The following ERBB2 variants were observed in gnomAD, a reference collection of about 807,000 sequenced individuals.
The protein encoded by ERBB2 is receptor tyrosine-protein kinase erbB-2.
A neutral mutation model predicts 149.0 loss-of-function variants in ERBB2; 61 were observed. That is an observed-to-expected ratio of 0.41 (90% CI 0.33 to 0.51). ERBB2 has a LOEUF of 0.51. Among genes scored for constraint, ERBB2 ranks in the 20% least tolerant of loss-of-function variants. ERBB2 has a pLI of 0.25. For missense variants in ERBB2, 1,205 were observed against 1,655.1 expected (o/e 0.73, Z 4.72); for synonymous variants, 633 against 678.8 (o/e 0.93, Z 1.05).
intron 2 of ERBB2, chr17:39,707,356 G>GCC: frequency 2.3e-6 from 1 of 444,298 alleles, no homozygotes; most frequent in Non-Finnish European, 4.0e-6. Context: ...GTCATGTCTG[G>GCC]ATGGGATGCG....
At chr17:39,716,220 T>C (rs2145669354) in intron 12 of ERBB2, 81 bp from the exon 13 acceptor site, 1 of 1,455,284 alleles carries the variant, frequency 6.9e-7, no homozygotes, top group Non-Finnish European at 9.2e-7. Flanking sequence ...CCCACAGCCA[T>C]GCCCACAGCC....
In ERBB2 at chr17:39,727,914, T is replaced by A; in HGVS notation, c.3638T>A (p.Phe1213Tyr). 6.2e-7 allele frequency: 1 copy of A among 1,614,120 alleles called. No individual in the cohort carries two copies. The highest frequency in any genetic ancestry group is 8.5e-7 in the Non-Finnish European group (1 of 1,180,008). Residue 1213 changes from phenylalanine to tyrosine, a missense_variant, in exon 27 of 27, where the codon TTC becomes TAC. Physicochemically the swap from Phe to Tyr is conservative, Grantham distance 22 (BLOSUM62 3). Coordinates refer to ENST00000269571, the MANE Select transcript of ERBB2 (RefSeq NM_004448.4). The surrounding 1 kb of genome is among the most constrained non-coding windows in gnomAD (Gnocchi z 4.3). ...CCTCAGCCCCACCCTCCTCCTGCCT[T>A]CAGCCCAGCCTTCGACAACCTCTAT... is the stretch of plus-strand genomic sequence containing the variant. ...AAPQPHPPPA[F>Y]SPAFDNLYYW...
Position 39,715,922 on chromosome 17 carries a change from G to T in ERBB2, c.1496G>T (p.Arg499Leu), listed in dbSNP as rs182572604. 5 of 1,610,264 alleles carry T rather than the reference G, an allele frequency of 3.1e-6. No individual in the cohort carries two copies. Among genetic ancestry groups the T allele is most frequent in the Admixed American group, 3.3e-5 (2 of 59,994 alleles). ...PHQALLHTAN[R>L]PEDECVGEGL... ...CAAGCTCTGCTCCACACTGCCAACC[G>T]GCCAGAGGACGAGTGTGGTAAGACA... The change falls in exon 12 of 27, where the codon CGG becomes CTG. Residue 499 changes from arginine to leucine, a missense_variant. Coordinates refer to ENST00000269571, the MANE Select transcript of ERBB2 (RefSeq NM_004448.4).
intron 3 of ERBB2, 157 bp from the exon 4 acceptor site, chr17:39,709,161 T>C: frequency 1.3e-6 from 1 of 787,132 alleles, no homozygotes; most frequent in South Asian, 1.7e-5. Flanking sequence ...GTGGTGGTGG[T>C]GGGACTCAAA....
intron 9 of ERBB2, 46 bp downstream of exon 9, chr17:39,712,494 G>A (rs1217405390): frequency 1.9e-6 from 3 of 1,603,768 alleles, no homozygotes; most frequent in South Asian, 1.1e-5. Flanking sequence ...GGCAGACAGA[G>A]TCCTGAGGAT....
intron 1 of ERBB2, among the ~76,000 whole-genome samples, chr17:39,701,632 C>T (rs970173153): frequency 5.3e-5 from 8 of 152,108 alleles, no homozygotes; most frequent in Admixed American, 2.6e-4. Flanking sequence ...TGCAGGTCTA[C>T]GCCAGGGTGT....
At chr17:39,695,567 G>A (rs1311095119), upstream of ERBB2, among the ~76,000 whole-genome samples, 1 of 152,134 alleles carries the variant, frequency 6.6e-6, no homozygotes, top group Non-Finnish European at 1.5e-5. Flanking sequence ...TCAAGGCACT[G>A]TGGGGTAGGC....
rs545634588 is a variant in ERBB2 at position 39,728,100 on chromosome 17, C to G, written c.*56C>G. ...TGTGTCCTCAGGGAGCAGGGAAGGC[C>G]TGACTTCTGCTGGCATCAAGAGGTG... On this transcript the variant is annotated 3_prime_UTR_variant, in exon 27 of 27. Coordinates refer to ENST00000269571, the MANE Select transcript of ERBB2 (RefSeq NM_004448.4). The G allele has an allele frequency of 7.1e-6, 9 of 1,273,796 alleles. No individual in the cohort carries two copies. In the African/African-American group the frequency reaches 1.0e-4, roughly 15 times the overall value. 78.9% of individuals were successfully genotyped at this position (1,273,796 alleles called of 1,614,324 possible). A position where few individuals can be genotyped will look rare whatever the true frequency, so the allele number is the denominator to read the frequency against.
At chr17:39,698,879 C>A (rs1045474812), upstream of ERBB2, among the ~76,000 whole-genome samples, 1 of 151,444 alleles carries the variant, frequency 6.6e-6, no homozygotes, top group African/African-American at 2.4e-5. Context: ...AATAAGGAGG[C>A]CCAGTTAAAT....
rs1441314794 is a variant in ERBB2 at position 39,700,089 on chromosome 17, A to AGGGGAGCCCCCC, written c.-146_-135dup. On this transcript the variant is annotated 5_prime_UTR_variant, in exon 1 of 27. Transcript: ENST00000269571. ...CCCCTCCATTGGGACCGGAGAAACC[A>AGGGGAGCCCCCC]GGGGAGCCCCCCGGGCAGCCGCGCG... 7.8e-7 allele frequency: 1 copy of AGGGGAGCCCCCC among 1,276,666 alleles called. No individual in the cohort carries two copies. Among genetic ancestry groups the AGGGGAGCCCCCC allele is most frequent in the African/African-American group, 1.6e-5 (1 of 64,430 alleles). The allele number at this position is 1,276,666 out of a possible 1,614,324, so 79.1% of individuals were successfully genotyped here.
At position 39,724,123 on chromosome 17, in the gene ERBB2, A is replaced by G. The variant is rs4252647; in HGVS notation, c.2307+113A>G. ...GGGGAGATATGACTCCCGCAAACCT[A>G]GACTATTTTTTTGGAGACGGAGTCT... On this transcript the variant is annotated intron_variant, in intron 19 of 26. Transcript: ENST00000269571. 329 of 715,750 alleles carry G rather than the reference A, an allele frequency of 4.6e-4. 1 individual carries two copies. The Admixed American group carries it at 5.5e-3, about 12-fold the overall frequency. 44.3% of individuals were successfully genotyped at this position (715,750 alleles called of 1,614,324 possible). A position where few individuals can be genotyped will look rare whatever the true frequency, so the allele number is the denominator to read the frequency against.
Position 39,716,509 on chromosome 17 carries a change from T to C in ERBB2, c.1647-6T>C, listed in dbSNP as rs1235970971. The C allele has an allele frequency of 1.7e-5, 28 of 1,613,988 alleles. No individual in the cohort carries two copies. The Admixed American group carries it at 4.7e-4, about 27-fold the overall frequency. On this transcript the variant is annotated splice_polypyrimidine_tract_variant and splice_region_variant and intron_variant, in intron 13 of 26. Transcript: ENST00000269571. ...CAGACCCCCTCACCACTGTCCCTTC[T>C]CTCAGGCTCCCCAGGGAGTATGTGA...
In ERBB2 at chr17:39,715,817, G is replaced by T. The variant is rs1399148945; in HGVS notation, c.1391G>T (p.Gly464Val). 1 of 1,611,232 alleles carries T rather than the reference G, an allele frequency of 6.2e-7. No individual in the cohort carries two copies. The highest frequency in any genetic ancestry group is 8.5e-7 in the Non-Finnish European group (1 of 1,180,016). ...CGCTCACTGAGGGAACTGGGCAGTGGACTGGCCCTCATCCACCATAACACC... is the reference window on the plus strand; with the variant it reads ...CGCTCACTGAGGGAACTGGGCAGTGTACTGGCCCTCATCCACCATAACACC... ...GLRSLRELGS[G>V]LALIHHNTHL... The change falls in exon 12 of 27, where the codon GGA becomes GTA. Residue 464 changes from glycine (G) to valine (V), a missense_variant. Gly to Val is a moderately radical substitution (Grantham distance 109). Transcript: ENST00000269571.
intron 19 of ERBB2, 131 bp downstream of exon 19, chr17:39,724,141 CGGAG>C: frequency 1.6e-6 from 1 of 636,422 alleles, no homozygotes; most frequent in South Asian, 2.0e-5. Context: ...TTTTTGGAGA[CGGAG>C]TCTTGCTCTG....
intron 9 of ERBB2, 125 bp downstream of exon 9, chr17:39,712,573 C>A (rs997973344): frequency 2.6e-6 from 3 of 1,172,770 alleles, no homozygotes; most frequent in Non-Finnish European, 3.6e-6. Context: ...GCAAAGAAAG[C>A]AGATGGGAGA....
rs769697748 is a variant in ERBB2 at position 39,727,279 on chromosome 17, T to A, written c.3160-16T>A. On this transcript the variant is annotated splice_polypyrimidine_tract_variant and intron_variant, in intron 25 of 26. Coordinates refer to ENST00000269571, the MANE Select transcript of ERBB2 (RefSeq NM_004448.4). This position sits in a 1 kb window ranked among gnomAD's most constrained non-coding sequence, Gnocchi z 4.3. Reference sequence around the variant, plus strand: ...CCGTGAGTGACCCCCATCATGACTTTCTTTCTTGTCCCCAGAGTGGCGGTG... The same window carrying A: ...CCGTGAGTGACCCCCATCATGACTTACTTTCTTGTCCCCAGAGTGGCGGTG... 2.5e-5 allele frequency: 40 copies of A among 1,611,384 alleles called. No homozygotes were observed. The highest frequency in any genetic ancestry group is 2.0e-4 in the South Asian group (18 of 90,748).
intron 19 of ERBB2, 63 bp downstream of exon 19, chr17:39,724,073 C>G: frequency 8.6e-7 from 1 of 1,168,204 alleles, no homozygotes; most frequent in Non-Finnish European, 1.2e-6. Flanking sequence ...CAGGTCTGGG[C>G]TCTGGTCTCT....
exon 1 of ERBB2, chr17:39,688,184 G>T (rs1359995870): frequency 3.7e-6 from 2 of 538,428 alleles, no homozygotes; most frequent in East Asian, 3.5e-5. Flanking sequence ...TCGTCCCCCT[G>T]CTGTGTCCAT....
upstream of ERBB2, among the ~76,000 whole-genome samples, chr17:39,697,354 G>GTTTT (rs60262818): frequency 8.2e-5 from 10 of 122,132 alleles, no homozygotes; most frequent in South Asian, 2.6e-4. Context: ...TTTTTGTTTT[G>GTTTT]TTTTTTTTTT....
Sources: allele counts gnomAD v4.1 joint callset (sites outside exome capture counted in the v4.1 genomes callset), GRCh38; gene constraint gnomAD v4.1.1; non-coding constraint Gnocchi (gnomAD v3.1); transcripts MANE v1.5; gene names NCBI Gene and HGNC (gene_info 2026-07-23, HGNC 2026-07-21).